GPC5: variants seen among roughly 807,000 people sequenced by gnomAD.
The protein encoded by GPC5 is glypican 5.
Under a neutral mutation model 53.9 loss-of-function variants are expected in GPC5, and 47 were observed. The observed-to-expected ratio is 0.87, with a 90% confidence interval of 0.69 to 1.11. The LOEUF is 1.11. Among genes scored for constraint, GPC5 ranks in the 50% most tolerant of loss-of-function variants. The pLI, the probability that GPC5 is intolerant of heterozygous loss-of-function variation, is 0.00. For synonymous variants in GPC5, 286 were observed against 263.3 expected (o/e 1.09, Z -0.84); for missense variants, 748 against 713.1 (o/e 1.05, Z -0.56).
At chr13:92,378,918 A>G (rs1247572015) in intron 7 of GPC5, among the ~76,000 whole-genome samples, 1 of 152,222 alleles carries the variant, frequency 6.6e-6, no homozygotes, top group Non-Finnish European at 1.5e-5. Flanking sequence ...GCAGTGCCAT[A>G]TAATAGAACT....
intron 6 of GPC5, among the ~76,000 whole-genome samples, chr13:92,004,203 T>A: frequency 6.6e-6 from 1 of 151,824 alleles, no homozygotes; most frequent in Non-Finnish European, 1.5e-5. Flanking sequence ...TCCTAGCACT[T>A]TGGGAGGCTG....
At position 92,422,555 on chromosome 13, in the gene GPC5, C is replaced by A. The variant is rs1024361616; in HGVS notation, c.1561+277566C>A. Among the ~76,000 whole-genome samples the A allele has an allele frequency of 6.0e-4, 90 of 150,924 alleles. 1 individual carries two copies. The highest frequency in any genetic ancestry group is 2.1e-3 in the African/African-American group (85 of 40,924). On this transcript the variant is annotated intron_variant, in intron 7 of 7. Coordinates refer to ENST00000377067, the MANE Select transcript of GPC5 (RefSeq NM_004466.6). ...ACAACTTCTTGGAAAGAAAAGTATT[C>A]CCCCATTGTAGTCATGACGAGAGGT... is the stretch of plus-strand genomic sequence containing the variant.
At position 92,754,724 on chromosome 13, in the gene GPC5, A is replaced by G. The variant is rs568359409; in HGVS notation, c.1562-111558A>G. On this transcript the variant is annotated intron_variant, in intron 7 of 7. Transcript: ENST00000377067. ...ATTTTAAACCAACAAAGATCAAAAG[A>G]GACAAAGAAGGCCATTACATAATGG... Among the ~76,000 whole-genome samples, 5 of 151,854 alleles carry G rather than the reference A, an allele frequency of 3.3e-5. No individual in the cohort carries two copies. In the East Asian group the frequency reaches 9.7e-4, roughly 29 times the overall value.
rs181785273 is a variant in GPC5, at chr13:92,375,511, C to T, written c.1561+230522C>T. ...TGGAGAATAGAAGCTGGATAAAATC[C>T]ATCCGAAGGTGTTCAAAGTGCCTCA... On this transcript the variant is annotated intron_variant, in intron 7 of 7. Coordinates refer to ENST00000377067, the MANE Select transcript of GPC5 (RefSeq NM_004466.6). Among the ~76,000 whole-genome samples, 77 of 152,244 alleles carry T rather than the reference C, an allele frequency of 5.1e-4. 1 individual carries two copies. Among genetic ancestry groups the T allele is most frequent in the African/African-American group, 1.8e-3 (75 of 41,532 alleles).
chr13:91,463,696 T>G (rs1882071084), intron 2 of GPC5, among the ~76,000 whole-genome samples: 1 of 152,108 alleles, frequency 6.6e-6, no homozygotes. Context: ...AAGAATATCC[T>G]TTTCAACAAA....
intron 5 of GPC5, among the ~76,000 whole-genome samples, chr13:91,871,355 A>T (rs971724820): frequency 6.6e-6 from 1 of 151,730 alleles, no homozygotes; most frequent in African/African-American, 2.4e-5. Context: ...TCTACTTGAG[A>T]GAGGGGTGGG....
chr13:91,893,865 G>A (rs758070113), intron 5 of GPC5, among the ~76,000 whole-genome samples: 13 of 151,282 alleles, frequency 8.6e-5, no homozygotes, highest in African/African-American at 1.2e-4. Context: ...CAAAATCCCC[G>A]TGTGGCCTTG....
At chr13:91,452,444 T>C (rs761761800) in intron 2 of GPC5, among the ~76,000 whole-genome samples, 1 of 152,118 alleles carries the variant, frequency 6.6e-6, no homozygotes, top group African/African-American at 2.4e-5. Context: ...AGGAGGAATG[T>C]TGGCTTTGTC....
intron 7 of GPC5, among the ~76,000 whole-genome samples, chr13:92,260,468 T>C (rs1391787845): frequency 1.3e-5 from 2 of 152,216 alleles, no homozygotes; most frequent in South Asian, 2.1e-4. Context: ...CACTGTTCTG[T>C]AGATCCGCAT....
chr13:92,626,028 A>C (rs1189866053), intron 7 of GPC5, among the ~76,000 whole-genome samples: 1 of 152,220 alleles, frequency 6.6e-6, no homozygotes, highest in East Asian at 1.9e-4. Context: ...ATTGCAATGA[A>C]AATGTCTCCT....
intron 7 of GPC5, among the ~76,000 whole-genome samples, chr13:92,203,734 T>C (rs2042312629): frequency 1.4e-5 from 2 of 144,404 alleles, no homozygotes; most frequent in African/African-American, 5.1e-5. Context: ...CATTTGACTT[T>C]AACTTCCAAA....
Position 91,448,811 on chromosome 13 carries a change from A to C in GPC5, c.214A>C (p.Lys72Gln), listed in dbSNP as rs1459035228. 1.9e-6 allele frequency: 3 copies of C among 1,613,660 alleles called. No homozygotes were observed. The highest frequency in any genetic ancestry group is 1.3e-5 in the African/African-American group (1 of 74,902). Residue 72 changes from lysine to glutamine, a missense_variant, in exon 2 of 8, where the codon AAG becomes CAG. Physicochemically the swap from Lys to Gln is moderately conservative, Grantham distance 53. Coordinates refer to ENST00000377067, the MANE Select transcript of GPC5 (RefSeq NM_004466.6). ...CAAAAAGCCTACATGTTGCACCAGG[A>C]AGATGGAGGAGAGATATCAGATTGC... ...ISKKPTCCTR[K>Q]MEERYQIAAR...
rs549643624 is a variant in GPC5 at position 92,836,282 on chromosome 13, G to A, written c.1562-30000G>A. Among the ~76,000 whole-genome samples the A allele has an allele frequency of 8.6e-5, 13 of 151,696 alleles. No homozygotes were observed. The South Asian group carries it at 2.7e-3, about 32-fold the overall frequency. On this transcript the variant is annotated intron_variant, in intron 7 of 7. Transcript: ENST00000377067. ...AAAATTTTCTTGCAGGATTTTTATT[G>A]TTTACATTTTTACATAAAGTTGTAT...
intron 5 of GPC5, among the ~76,000 whole-genome samples, chr13:91,766,879 G>A (rs1456821826): frequency 6.6e-6 from 1 of 152,088 alleles, no homozygotes; most frequent in Non-Finnish European, 1.5e-5. Flanking sequence ...AAAAGTAGGT[G>A]AAAGTAATAC....
chr13:92,707,434 G>T (rs539392369), intron 7 of GPC5, among the ~76,000 whole-genome samples: 2 of 152,090 alleles, frequency 1.3e-5, no homozygotes, highest in Non-Finnish European at 2.9e-5. Flanking sequence ...TATTTCCTCT[G>T]CTTGTTGTTT....
chr13:91,572,118 TATAC>T (rs1318455574), intron 2 of GPC5, among the ~76,000 whole-genome samples: 1 of 132,702 alleles, frequency 7.5e-6, no homozygotes, highest in Non-Finnish European at 1.7e-5. Flanking sequence ...CACATGTATA[TATAC>T]GTGTGTATAT....
At chr13:92,764,138 A>T (rs1478306797) in intron 7 of GPC5, among the ~76,000 whole-genome samples, 1 of 152,176 alleles carries the variant, frequency 6.6e-6, no homozygotes, top group Non-Finnish European at 1.5e-5. Context: ...CTAGAAGGCA[A>T]TGTACTGCTT....
chr13:92,420,165 C>A (rs1400657192), intron 7 of GPC5, among the ~76,000 whole-genome samples: 1 of 152,054 alleles, frequency 6.6e-6, no homozygotes, highest in East Asian at 1.9e-4. Flanking sequence ...GTATAAATAA[C>A]ACTTTATAAA....
In GPC5 at chr13:92,572,455, G is replaced by C. The variant is rs574346782; in HGVS notation, c.1562-293827G>C. On this transcript the variant is annotated intron_variant, in intron 7 of 7. Transcript: ENST00000377067. ...TGTGTTCTTTGTTCTGTTTTCAGCA[G>C]GGAAGATGGATACCGCTGTGGTGAC... Among the ~76,000 whole-genome samples, 8 of 152,242 alleles carry C rather than the reference G, an allele frequency of 5.3e-5. No homozygotes were observed. The East Asian group carries it at 1.5e-3, about 29-fold the overall frequency.
Sources: gnomAD v4.1 joint callset for allele counts (sites outside exome capture counted in the v4.1 genomes callset) on GRCh38, gnomAD v4.1.1 for gene constraint, MANE v1.5 for transcripts, NCBI Gene and HGNC (gene_info 2026-07-23, HGNC 2026-07-21) for gene names.